Variants in MYO16 observed in about 807,000 individuals in gnomAD.
MYO16 encodes the protein unconventional myosin-XVI.
Under a neutral mutation model 205.3 loss-of-function variants are expected in MYO16, and 94 were observed. That is an observed-to-expected ratio of 0.46 (90% CI 0.39 to 0.54). MYO16 has a LOEUF of 0.54. MYO16 is among the 20% of genes least tolerant of loss of function. The pLI is 0.00. For missense variants in MYO16, 2,315 were observed against 2,387.5 expected (o/e 0.97, Z 0.63); for synonymous variants, 988 against 954.0 (o/e 1.04, Z -0.66).
At chr13:109,115,214 T>C (rs1432441143) in intron 28 of MYO16, among the ~76,000 whole-genome samples, 3 of 139,768 alleles carry the variant, frequency 2.1e-5, no homozygotes, top group African/African-American at 8.2e-5. Flanking sequence ...TTCCAGCATT[T>C]GTCTGTACCT....
intron 4 of MYO16, among the ~76,000 whole-genome samples, chr13:108,750,494 C>T (rs1357229510): frequency 6.6e-6 from 1 of 151,862 alleles, no homozygotes; most frequent in Non-Finnish European, 1.5e-5. Context: ...CTGGGCAGGG[C>T]ACAGTGGCTC....
chr13:108,760,489 T>C (rs1039130253), intron 4 of MYO16, among the ~76,000 whole-genome samples: 1 of 152,102 alleles, frequency 6.6e-6, no homozygotes, highest in Non-Finnish European at 1.5e-5. Flanking sequence ...TTTTTTATCA[T>C]TTTGGCTTTT....
chr13:108,856,596 AT>A (rs1382729267), intron 11 of MYO16, among the ~76,000 whole-genome samples: 1 of 151,970 alleles, frequency 6.6e-6, no homozygotes, highest in Non-Finnish European at 1.5e-5. Context: ...TAAAGTGTGT[AT>A]TTTTATAACA....
At chr13:108,963,244 TA>T (rs1345790422) in intron 19 of MYO16, among the ~76,000 whole-genome samples, 1 of 152,222 alleles carries the variant, frequency 6.6e-6, no homozygotes, top group Non-Finnish European at 1.5e-5. Context: ...AAATCGCTAC[TA>T]TTCTTTCTCT....
In MYO16 at chr13:108,849,081, C is replaced by T. The variant is rs9559423; in HGVS notation, c.1248+4588C>T. 5.3e-5 allele frequency among the ~76,000 whole-genome samples: 8 copies of T among 152,332 alleles called. No homozygotes were observed. The East Asian group carries it at 1.5e-3, about 29-fold the overall frequency. ...ACTACACACGACTGTCCAGGCATGG[C>T]ATGGGTGGAAGCCTTGGGAAGCGAA... On this transcript the variant is annotated intron_variant, in intron 10 of 34. Coordinates refer to ENST00000457511, the MANE Select transcript of MYO16 (RefSeq NM_001198950.3).
At chr13:109,201,055 T>A (rs937692415) in intron 34 of MYO16, among the ~76,000 whole-genome samples, 4 of 152,126 alleles carry the variant, frequency 2.6e-5, no homozygotes, top group African/African-American at 7.2e-5. Context: ...GTTTGTCTAG[T>A]TTTTATGCTT....
intron 20 of MYO16, among the ~76,000 whole-genome samples, chr13:108,966,298 A>G (rs902842874): frequency 6.6e-6 from 1 of 152,236 alleles, no homozygotes; most frequent in Non-Finnish European, 1.5e-5. Flanking sequence ...CAAATTAGCT[A>G]TGTATAAAAT....
intron 27 of MYO16, among the ~76,000 whole-genome samples, chr13:109,061,486 T>G (rs1887591842): frequency 6.6e-6 from 1 of 152,188 alleles, no homozygotes; most frequent in South Asian, 2.1e-4. Context: ...TTAATTAGTC[T>G]GATTTTAATA....
At chr13:108,637,216 A>G (rs1157294570) in intron 1 of MYO16, among the ~76,000 whole-genome samples, 1 of 152,176 alleles carries the variant, frequency 6.6e-6, no homozygotes, top group East Asian at 1.9e-4. Flanking sequence ...ACCTAATGAT[A>G]TATCTTTGTG....
chr13:108,829,810 T>G (rs1280026607), intron 9 of MYO16, among the ~76,000 whole-genome samples: 1 of 152,134 alleles, frequency 6.6e-6, no homozygotes, highest in Non-Finnish European at 1.5e-5. Context: ...AATAAAAGGA[T>G]AAGACTCACA....
intron 33 of MYO16, among the ~76,000 whole-genome samples, chr13:109,172,275 C>T (rs543121729): frequency 5.3e-5 from 8 of 152,332 alleles, no homozygotes; most frequent in Non-Finnish European, 8.8e-5. Flanking sequence ...AGGAAGCAAG[C>T]CTCACTTGAC....
chr13:108,989,185 C>G (rs982081547), intron 20 of MYO16, among the ~76,000 whole-genome samples: 2 of 152,044 alleles, frequency 1.3e-5, no homozygotes, highest in Non-Finnish European at 2.9e-5. Flanking sequence ...TTTTATTTTT[C>G]CTGTGGCTTA....
intron 28 of MYO16, among the ~76,000 whole-genome samples, chr13:109,110,039 C>T (rs1254144725): frequency 6.6e-6 from 1 of 152,186 alleles, no homozygotes; most frequent in Non-Finnish European, 1.5e-5. Context: ...CTCCCACACC[C>T]CAGGGAGTGC....
chr13:108,910,159 C>G lies in MYO16; in HGVS notation c.1925+9C>G, dbSNP rs779864107. 3.1e-6 allele frequency: 5 copies of G among 1,608,240 alleles called. No homozygotes were observed. On this transcript the variant is annotated intron_variant, in intron 16 of 34. Coordinates refer to ENST00000457511, the MANE Select transcript of MYO16 (RefSeq NM_001198950.3). ...AATTTATGTGCACACCGGTGAGTGACTAAGTATTTTGTATCTAAAAGCTAT... is the reference window on the plus strand; with the variant it reads ...AATTTATGTGCACACCGGTGAGTGAGTAAGTATTTTGTATCTAAAAGCTAT...
chr13:109,029,118 T>TTTC (rs1566471307), intron 23 of MYO16, among the ~76,000 whole-genome samples: 1 of 140,640 alleles, frequency 7.1e-6, no homozygotes, highest in East Asian at 2.0e-4. Context: ...TTTTCTTTTT[T>TTTC]TTTTTTTTTT....
chr13:108,783,004 C>T (rs1301240287), intron 4 of MYO16, among the ~76,000 whole-genome samples: 6 of 152,150 alleles, frequency 3.9e-5, no homozygotes, highest in African/African-American at 1.4e-4. Flanking sequence ...GGCTGGAGCC[C>T]CCACACAGAG....
At chr13:109,114,168 A>C (rs1875553916) in intron 28 of MYO16, among the ~76,000 whole-genome samples, 1 of 152,180 alleles carries the variant, frequency 6.6e-6, no homozygotes, top group Admixed American at 6.5e-5. Context: ...CTTGTCAAAG[A>C]AGTTAAGCTT....
intron 3 of MYO16, among the ~76,000 whole-genome samples, chr13:108,714,325 G>T (rs1371598115): frequency 6.6e-6 from 1 of 152,206 alleles, no homozygotes; most frequent in Non-Finnish European, 1.5e-5. Context: ...GAAGTGCTGG[G>T]ATTACAGGCG....
intron 33 of MYO16, among the ~76,000 whole-genome samples, chr13:109,167,839 C>T (rs1878750021): frequency 6.6e-6 from 1 of 151,754 alleles, no homozygotes; most frequent in African/African-American, 2.4e-5. Context: ...TAACTGCCCC[C>T]CAAAAATTCC....
Sources: gnomAD v4.1 joint callset for allele counts (sites outside exome capture counted in the v4.1 genomes callset) on GRCh38, gnomAD v4.1.1 for gene constraint, MANE v1.5 for transcripts, NCBI Gene and HGNC (gene_info 2026-07-23, HGNC 2026-07-21) for gene names.